RBM19: variants seen among roughly 807,000 people sequenced by gnomAD.
RBM19 encodes RNA binding motif protein 19.
RBM19 carries 94 observed loss-of-function variants against 116.8 expected under a neutral mutation model. That is an observed-to-expected ratio of 0.80 (90% confidence interval 0.68 to 0.95). The LOEUF is 0.95. Among genes scored for constraint, RBM19 ranks in the 40% least tolerant of loss-of-function variants. The probability of loss-of-function intolerance (pLI) is 0.00; values close to 1 mark genes in which losing one functional copy is unlikely to be tolerated. For synonymous variants in RBM19, 475 were observed against 494.1 expected (o/e 0.96, Z 0.51); for missense variants, 1,161 against 1,220.7 (o/e 0.95, Z 0.73).
chr12:113,829,779 A>G (rs184533927), intron 23 of RBM19, among the ~76,000 whole-genome samples: 1 of 152,248 alleles, frequency 6.6e-6, no homozygotes, highest in Non-Finnish European at 1.5e-5. Context: ...CACTTAGCCC[A>G]GGGCCCGGCC....
chr12:113,954,715 G>A lies in RBM19; in HGVS notation c.921+416C>T, dbSNP rs143173356. On this transcript the variant is annotated intron_variant, in intron 7 of 23. Transcript: ENST00000261741. ...AAACTACAGTCCACAGGCCAAATCT[G>A]GCTCACTGCCTGTTTTTGTAACTAA... 4.6e-3 allele frequency among the ~76,000 whole-genome samples: 693 copies of A among 152,304 alleles called. 4 individuals are homozygous for A. Among genetic ancestry groups the A allele is most frequent in the Middle Eastern group, 0.041 (12 of 294 alleles).
chr12:113,829,083 T>C (rs1875140800), intron 23 of RBM19, among the ~76,000 whole-genome samples: 1 of 152,056 alleles, frequency 6.6e-6, no homozygotes, highest in African/African-American at 2.4e-5. Flanking sequence ...CTGCAACCTC[T>C]GCTTTCCGGG....
At position 113,926,907 on chromosome 12, in the gene RBM19, A is replaced by C. The variant is rs1438814195; in HGVS notation, c.2244+147T>G. ...GTCATCTACTGGACACCCCAGGGGA[A>C]AGGGTCAAGTAGGTGGTGCTGGTTA... is the stretch of plus-strand genomic sequence containing the variant. On this transcript the variant is annotated intron_variant, in intron 17 of 23. Coordinates refer to ENST00000261741, the MANE Select transcript of RBM19 (RefSeq NM_016196.4). 6 of 934,986 alleles carry C rather than the reference A, an allele frequency of 6.4e-6. No individual in the cohort carries two copies. In the East Asian group the frequency reaches 1.5e-4, roughly 24 times the overall value. 57.9% of individuals were successfully genotyped at this position (934,986 alleles called of 1,614,324 possible). A position where few individuals can be genotyped will look rare whatever the true frequency, so the allele number is the denominator to read the frequency against.
Position 113,966,184 on chromosome 12 carries a change from G to A in RBM19, c.36+8C>T. On this transcript the variant is annotated splice_region_variant and intron_variant, in intron 1 of 23. Transcript: ENST00000261741. Reference sequence around the variant, plus strand: ...TTTCAGATTCCCAAGTCCTGCCTCTGCACTCACCCCATTCGGGAGATTCTT... The same window carrying A: ...TTTCAGATTCCCAAGTCCTGCCTCTACACTCACCCCATTCGGGAGATTCTT... 6.2e-7 allele frequency: 1 copy of A among 1,614,222 alleles called. No individual in the cohort carries two copies. The highest frequency in any genetic ancestry group is 8.5e-7 in the Non-Finnish European group (1 of 1,180,024).
At chr12:113,837,562 C>T (rs1876080112) in intron 23 of RBM19, among the ~76,000 whole-genome samples, 1 of 152,228 alleles carries the variant, frequency 6.6e-6, no homozygotes, top group South Asian at 2.1e-4. Flanking sequence ...GGCGCTGTGG[C>T]CCCATCGTAC....
chr12:113,876,076 C>T (rs568804848), intron 21 of RBM19, among the ~76,000 whole-genome samples: 1 of 152,310 alleles, frequency 6.6e-6, no homozygotes, highest in South Asian at 2.1e-4. Context: ...AAGGTTTTCA[C>T]ACCCTCATGG....
intron 14 of RBM19, among the ~76,000 whole-genome samples, chr12:113,941,739 G>A (rs2384346): frequency 0.16 from 25,014 of 152,032 alleles, 2,801 homozygotes; most frequent in African/African-American, 0.32. Context: ...GTAAAAATGT[G>A]AGGCCTGGGA....
chr12:113,908,328 GGT>G (rs1882201952), intron 21 of RBM19, among the ~76,000 whole-genome samples: 1 of 152,020 alleles, frequency 6.6e-6, no homozygotes, highest in Non-Finnish European at 1.5e-5. Context: ...AGACAAGGGA[GGT>G]GTGTGTGGGG....
At chr12:113,868,418 T>A (rs1015530066) in intron 21 of RBM19, among the ~76,000 whole-genome samples, 4 of 152,230 alleles carry the variant, frequency 2.6e-5, no homozygotes, top group East Asian at 1.9e-4. Context: ...ATAACTTTTT[T>A]AAAACAGTGT....
chr12:113,914,783 A>G (rs540955937), intron 21 of RBM19, among the ~76,000 whole-genome samples, 186 bp downstream of exon 21: 5 of 152,320 alleles, frequency 3.3e-5, no homozygotes, highest in South Asian at 4.1e-4. Flanking sequence ...TTTCCTGCAC[A>G]GTGCTCTGGG....
Position 113,915,494 on chromosome 12 carries a change from C to T in RBM19, c.2442-409G>A, listed in dbSNP as rs191558363. ...TAACCCGAGGAGGAACATGCGGGGG[C>T]CTAACCATGCAGATGGACCAGGTGG... On this transcript the variant is annotated intron_variant, in intron 20 of 23. Coordinates refer to ENST00000261741, the MANE Select transcript of RBM19 (RefSeq NM_016196.4). 3.1e-4 allele frequency among the ~76,000 whole-genome samples: 47 copies of T among 152,272 alleles called. 1 individual carries two copies. The highest frequency in any genetic ancestry group is 1.1e-3 in the African/African-American group (45 of 41,554).
rs570115295 is a variant in RBM19, at chr12:113,873,899, G to A, written c.2559-15003C>T. ...GTGTCTGGACCAAGTGGGGAGTGCT[G>A]TGCCCCAGAGGGCCAAGAGCCAGAT... On this transcript the variant is annotated intron_variant, in intron 21 of 23. Transcript: ENST00000261741. Among the ~76,000 whole-genome samples, 4 of 152,330 alleles carry A rather than the reference G, an allele frequency of 2.6e-5. No homozygotes were observed. In the South Asian group the frequency reaches 8.3e-4, roughly 32 times the overall value.
At chr12:113,965,681 G>T (rs1311143975) in intron 1 of RBM19, among the ~76,000 whole-genome samples, 1 of 152,118 alleles carries the variant, frequency 6.6e-6, no homozygotes, top group Non-Finnish European at 1.5e-5. Flanking sequence ...AGTATGGCTG[G>T]GTCACCACTC....
chr12:113,944,809 T>A (rs973589981), intron 13 of RBM19, among the ~76,000 whole-genome samples: 7 of 150,618 alleles, frequency 4.6e-5, no homozygotes, highest in South Asian at 2.1e-4. Context: ...CAAAAAAAAA[T>A]TATATATACA....
chr12:113,924,171 C>T (rs1199346807), intron 18 of RBM19, among the ~76,000 whole-genome samples: 3 of 152,174 alleles, frequency 2.0e-5, no homozygotes, highest in African/African-American at 4.8e-5. Context: ...GTGCTCTCTG[C>T]CTGTCCATGT....
chr12:113,838,331 G>A (rs192454403), intron 23 of RBM19, among the ~76,000 whole-genome samples: 2 of 152,212 alleles, frequency 1.3e-5, no homozygotes, highest in Admixed American at 1.3e-4. Context: ...CAAACTCCAC[G>A]GGGAGAATAC....
intron 21 of RBM19, among the ~76,000 whole-genome samples, chr12:113,865,725 T>TA (rs1878748177): frequency 6.6e-6 from 1 of 152,140 alleles, no homozygotes; most frequent in Non-Finnish European, 1.5e-5. Flanking sequence ...TTTTATGCAG[T>TA]GCAACCATAT....
chr12:113,862,701 G>C (rs1382001297), intron 21 of RBM19, among the ~76,000 whole-genome samples: 1 of 152,108 alleles, frequency 6.6e-6, no homozygotes, highest in Non-Finnish European at 1.5e-5. Context: ...GGGCACCCAG[G>C]AACTCCTCCC....
chr12:113,921,609 A>G (rs1868569163), intron 18 of RBM19, among the ~76,000 whole-genome samples: 2 of 152,208 alleles, frequency 1.3e-5, no homozygotes, highest in Admixed American at 1.3e-4. Context: ...AATAAGAGCC[A>G]ACTGCATTAA....
Sources: allele counts gnomAD v4.1 joint callset (sites outside exome capture counted in the v4.1 genomes callset), GRCh38; gene constraint gnomAD v4.1.1; transcripts MANE v1.5; gene names NCBI Gene and HGNC (gene_info 2026-07-23, HGNC 2026-07-21).